The following MON2 variants were observed in gnomAD, a reference collection of about 807,000 sequenced individuals.
The protein encoded by MON2 is protein MON2 homolog.
A neutral mutation model predicts 208.6 loss-of-function variants in MON2; 84 were observed. That is an observed-to-expected ratio of 0.40 (90% CI 0.34 to 0.48). The LOEUF is 0.48. Ranked by LOEUF, MON2 falls within the 20% of genes least tolerant of loss-of-function variation. MON2 has a pLI of 0.59. For synonymous variants in MON2, 660 were observed against 694.0 expected, an observed-to-expected ratio of 0.95 and a Z score of 0.77; for missense variants, 1,611 against 2,015.4, an observed-to-expected ratio of 0.80 and a Z score of 3.84.
At chr12:62,586,798 T>C (rs1409224221) in intron 33 of MON2, among the ~76,000 whole-genome samples, 1 of 152,138 alleles carries the variant, frequency 6.6e-6, no homozygotes, top group African/African-American at 2.4e-5. Flanking sequence ...TTATAAAATA[T>C]TTTTTGATTT....
At chr12:62,581,198 A>G (rs1447816864) in intron 32 of MON2, among the ~76,000 whole-genome samples, 1 of 152,172 alleles carries the variant, frequency 6.6e-6, no homozygotes, top group African/African-American at 2.4e-5. Flanking sequence ...TATATAAATT[A>G]CTGTTTGTTA....
intron 30 of MON2, among the ~76,000 whole-genome samples, chr12:62,574,960 CA>C (rs11301095): frequency 0.4 from 60,896 of 151,646 alleles, 12,902 homozygotes; most frequent in African/African-American, 0.54. Flanking sequence ...TCCGCCTCTA[CA>C]AAAAAAATTT....
Position 62,466,843 on chromosome 12 carries a change from C to A in MON2, c.-365C>A, listed in dbSNP as rs976960514. On this transcript the variant is annotated 5_prime_UTR_variant, in exon 1 of 35. It introduces an in-frame stop codon into an upstream open reading frame of the 5' UTR. Coordinates refer to ENST00000393630, the MANE Select transcript of MON2 (RefSeq NM_015026.3). ...TTGTGGGCGACTCGGCTAATGGCGT[C>A]GGCGAGTCTTAGGGGCCTGGGGAGC... 3.7e-5 allele frequency: 15 copies of A among 410,308 alleles called. No homozygotes were observed. The highest frequency in any genetic ancestry group is 5.6e-5 in the Non-Finnish European group (13 of 232,088). 25.4% of individuals were successfully genotyped at this position (410,308 alleles called of 1,614,324 possible).
intron 12 of MON2, 94 bp downstream of exon 12, chr12:62,532,764 T>G: frequency 2.3e-6 from 2 of 887,026 alleles, no homozygotes; most frequent in African/African-American, 3.4e-5. Flanking sequence ...CCCTGACTTC[T>G]CAAGTGTTAA....
At chr12:62,513,525 C>T (rs975356011) in intron 8 of MON2, among the ~76,000 whole-genome samples, 26 of 152,182 alleles carry the variant, frequency 1.7e-4, no homozygotes, top group African/African-American at 4.3e-4. Context: ...TGCGCCCGGC[C>T]TGGGATTTTC....
intron 5 of MON2, among the ~76,000 whole-genome samples, chr12:62,499,884 A>AT (rs201274871): frequency 2.6e-5 from 4 of 151,696 alleles, no homozygotes; most frequent in East Asian, 3.9e-4. Context: ...AAAAAAAAAA[A>AT]TTTTTTTTAA....
intron 31 of MON2, among the ~76,000 whole-genome samples, chr12:62,579,475 GCACT>G (rs1222861761): frequency 2.0e-5 from 3 of 151,674 alleles, no homozygotes; most frequent in African/African-American, 7.3e-5. Flanking sequence ...TGTAATCTCA[GCACT>G]TTGGGAGGTG....
rs188799058 is a variant in MON2, at chr12:62,516,495, G to A, written c.984+8015G>A. Among the ~76,000 whole-genome samples, 39 of 152,178 alleles carry A rather than the reference G, an allele frequency of 2.6e-4. 1 individual carries two copies. In the East Asian group the frequency reaches 4.8e-3, roughly 19 times the overall value. ...CAAGGCGGCCAGATCACATGAGGTC[G>A]GGAGTTCAAGACCAGCCTGACCAAC... is the stretch of plus-strand genomic sequence containing the variant. On this transcript the variant is annotated intron_variant, in intron 8 of 34. Transcript: ENST00000393630.
At chr12:62,536,307 G>T (rs1051199473) in intron 14 of MON2, among the ~76,000 whole-genome samples, 3 of 151,856 alleles carry the variant, frequency 2.0e-5, no homozygotes, top group Non-Finnish European at 2.9e-5. Flanking sequence ...TTTTCTTGTT[G>T]AATTCTTTAA....
In MON2 at chr12:62,513,945, A is replaced by G. The variant is rs376079490; in HGVS notation, c.984+5465A>G. Among the ~76,000 whole-genome samples, 85 of 145,922 alleles carry G rather than the reference A, an allele frequency of 5.8e-4. 14 individuals carry two copies. The East Asian group carries it at 0.016, about 27-fold the overall frequency. On this transcript the variant is annotated intron_variant, in intron 8 of 34. Coordinates refer to ENST00000393630, the MANE Select transcript of MON2 (RefSeq NM_015026.3). ...AGCCTGGGTGACAGAGCGAGACTCC[A>G]TCTCAAAAAAAAAAAGAAAGAAAGA...
chr12:62,536,407 A>G lies in MON2; in HGVS notation c.1900+698A>G, dbSNP rs188170192. 5.9e-5 allele frequency among the ~76,000 whole-genome samples: 9 copies of G among 152,298 alleles called. No homozygotes were observed. In the East Asian group the frequency reaches 1.7e-3, roughly 29 times the overall value. ...TTTTTTAATGAGACAGGATCTCGCTATATTGCCCAGGCTGATCTTGAACTG... is the reference window on the plus strand; with the variant it reads ...TTTTTTAATGAGACAGGATCTCGCTGTATTGCCCAGGCTGATCTTGAACTG... On this transcript the variant is annotated intron_variant, in intron 14 of 34. Transcript: ENST00000393630.
At position 62,535,726 on chromosome 12, in the gene MON2, C is replaced by T; in HGVS notation, c.1900+17C>T. 1.3e-6 allele frequency: 2 copies of T among 1,588,230 alleles called. No individual in the cohort carries two copies. Among genetic ancestry groups the T allele is most frequent in the African/African-American group, 1.3e-5 (1 of 74,202 alleles). ...CCAACAAATGTAAGACAGGCTTACTCAAAATTCTCTCTATGTAGTGGGATG... is the reference window on the plus strand; with the variant it reads ...CCAACAAATGTAAGACAGGCTTACTTAAAATTCTCTCTATGTAGTGGGATG... On this transcript the variant is annotated intron_variant, in intron 14 of 34. Transcript: ENST00000393630.
rs909439132 is a variant in MON2, at chr12:62,594,313, T to C, written c.*1564T>C. 6.6e-6 allele frequency: 1 copy of C among 152,192 alleles called. No individual in the cohort carries two copies. The highest frequency in any genetic ancestry group is 1.5e-5 in the Non-Finnish European group (1 of 68,004). The allele number at this position is 152,192 out of a possible 1,614,324, so 9.4% of individuals were successfully genotyped here. On this transcript the variant is annotated 3_prime_UTR_variant, in exon 35 of 35. Transcript: ENST00000393630. Reference sequence around the variant, plus strand: ...CAGTTTTGAGGCTATTATAATTGTATAATTATTTAATTTGCATTATCTGTA... The same window carrying C: ...CAGTTTTGAGGCTATTATAATTGTACAATTATTTAATTTGCATTATCTGTA...
chr12:62,586,887 T>G (rs2075237181), intron 33 of MON2, among the ~76,000 whole-genome samples: 1 of 152,216 alleles, frequency 6.6e-6, no homozygotes, highest in South Asian at 2.1e-4. Context: ...GAGCCTTATT[T>G]ATAATTGTCC....
intron 1 of MON2, among the ~76,000 whole-genome samples, chr12:62,480,062 T>C (rs2069320117): frequency 6.6e-6 from 1 of 152,172 alleles, no homozygotes; most frequent in Non-Finnish European, 1.5e-5. Context: ...TAGTGAAATT[T>C]TCCATCAACA....
At chr12:62,511,852 C>T (rs1020430473) in intron 8 of MON2, among the ~76,000 whole-genome samples, 5 of 152,086 alleles carry the variant, frequency 3.3e-5, no homozygotes, top group Admixed American at 2.0e-4. Flanking sequence ...AAGACATACC[C>T]GAGACTGGGC....
At chr12:62,524,473 C>CT (rs759286814) in intron 8 of MON2, 42 bp from the exon 9 acceptor site, 23 of 1,506,130 alleles carry the variant, frequency 1.5e-5, no homozygotes, top group Non-Finnish European at 2.0e-5. Flanking sequence ...TAATTCTTCT[C>CT]TTTGATTCAA....
chr12:62,520,716 G>C (rs1291033735), intron 8 of MON2, among the ~76,000 whole-genome samples: 1 of 151,744 alleles, frequency 6.6e-6, no homozygotes, highest in Non-Finnish European at 1.5e-5. Context: ...CCTGAGGTCA[G>C]GAGTTTGAGA....
At chr12:62,555,043 G>T (rs932314038) in intron 24 of MON2, among the ~76,000 whole-genome samples, 1 of 151,992 alleles carries the variant, frequency 6.6e-6, no homozygotes, top group Non-Finnish European at 1.5e-5. Context: ...TGATCCGCCC[G>T]CCTCGGCCTC....
Sources: allele counts gnomAD v4.1 joint callset (sites outside exome capture counted in the v4.1 genomes callset), GRCh38; gene constraint gnomAD v4.1.1; transcripts MANE v1.5; gene names NCBI Gene and HGNC (gene_info 2026-07-23, HGNC 2026-07-21).